EPHA6: variants seen among roughly 807,000 people sequenced by gnomAD.
The protein encoded by EPHA6 is ephrin type-A receptor 6.
EPHA6 carries 50 observed loss-of-function variants against 112.0 expected under a neutral mutation model. The observed-to-expected ratio is 0.45, with a 90% CI of 0.36 to 0.56. The LOEUF is 0.56. Ranked by LOEUF, EPHA6 falls within the 20% of genes least tolerant of loss-of-function variation. EPHA6 has a pLI of 0.00. For synonymous variants in EPHA6, 529 were observed against 490.7 expected (o/e 1.08, Z -1.03); for missense variants, 1,280 against 1,417.4 (o/e 0.90, Z 1.56).
intron 11 of EPHA6, among the ~76,000 whole-genome samples, chr3:97,533,727 G>A (rs897107040): frequency 3.9e-5 from 6 of 152,030 alleles, no homozygotes; most frequent in Non-Finnish European, 5.9e-5. Flanking sequence ...TTCCTGGAAC[G>A]AGTCTCTATG....
chr3:97,548,428 T>C (rs544130484), intron 11 of EPHA6, among the ~76,000 whole-genome samples: 45 of 152,316 alleles, frequency 3.0e-4, no homozygotes, highest in African/African-American at 1.0e-3. Flanking sequence ...AAAAAATATA[T>C]ATTTTGGGGA....
At chr3:96,913,203 CACACACACA>C (rs1559825511) in intron 2 of EPHA6, among the ~76,000 whole-genome samples, 26 of 120,450 alleles carry the variant, frequency 2.2e-4, no homozygotes, top group African/African-American at 7.6e-4. Context: ...CACACACACA[CACACACACA>C]CCACACACAC....
chr3:97,560,856 T>C (rs1308801981), intron 11 of EPHA6, among the ~76,000 whole-genome samples: 1 of 152,062 alleles, frequency 6.6e-6, no homozygotes, highest in Non-Finnish European at 1.5e-5. Flanking sequence ...AGCAAATCTA[T>C]CAGTGCCATT....
chr3:97,425,213 G>C (rs569769742), intron 6 of EPHA6, among the ~76,000 whole-genome samples: 1 of 152,188 alleles, frequency 6.6e-6, no homozygotes. Flanking sequence ...CCACTAGGCA[G>C]TACCCCACTG....
At chr3:97,492,632 C>A (rs1382126735) in intron 10 of EPHA6, among the ~76,000 whole-genome samples, 1 of 124,880 alleles carries the variant, frequency 8.0e-6, no homozygotes, top group Admixed American at 9.3e-5. Flanking sequence ...AAGCGGGAAG[C>A]TAAGGAAAGT....
At chr3:97,396,690 C>T (rs372945705) in intron 5 of EPHA6, among the ~76,000 whole-genome samples, 1 of 151,592 alleles carries the variant, frequency 6.6e-6, no homozygotes, top group East Asian at 1.9e-4. Context: ...TAAACAATTG[C>T]TCAACTCCTG....
At chr3:97,077,750 T>A (rs1266813711) in intron 3 of EPHA6, among the ~76,000 whole-genome samples, 1 of 152,196 alleles carries the variant, frequency 6.6e-6, no homozygotes, top group Non-Finnish European at 1.5e-5. Flanking sequence ...TGCATGGTAT[T>A]CCATGGTGTG....
chr3:96,850,859 T>C (rs2035339831), intron 1 of EPHA6, among the ~76,000 whole-genome samples: 1 of 152,098 alleles, frequency 6.6e-6, no homozygotes, highest in South Asian at 2.1e-4. Context: ...CACAGAGATT[T>C]TTGTAAGTAA....
chr3:97,613,032 C>G (rs1197038156), intron 13 of EPHA6, among the ~76,000 whole-genome samples: 1 of 151,642 alleles, frequency 6.6e-6, no homozygotes, highest in Non-Finnish European at 1.5e-5. Context: ...CCCCTTTGCA[C>G]GTAGAGTTTC....
intron 5 of EPHA6, among the ~76,000 whole-genome samples, chr3:97,328,052 C>CATATATAAATATATATATATATAT (rs1490094035): frequency 3.5e-5 from 2 of 56,994 alleles, no homozygotes; most frequent in African/African-American, 1.7e-4. Context: ...CACATATATA[C>CATATATAAATATATATATATATAT]ACATATATAT....
chr3:96,952,481 C>A (rs1032686127), intron 2 of EPHA6, among the ~76,000 whole-genome samples: 1 of 152,118 alleles, frequency 6.6e-6, no homozygotes, highest in Non-Finnish European at 1.5e-5. Flanking sequence ...AGGTTTGGCC[C>A]TCTTCGTTTC....
intron 12 of EPHA6, among the ~76,000 whole-genome samples, chr3:97,604,605 A>T (rs368744029): frequency 6.6e-6 from 1 of 151,708 alleles, no homozygotes; most frequent in Non-Finnish European, 1.5e-5. Context: ...CATTTTAGTG[A>T]CAAACATTGT....
chr3:96,951,808 A>G (rs540848708), intron 2 of EPHA6, among the ~76,000 whole-genome samples: 1 of 152,176 alleles, frequency 6.6e-6, no homozygotes, highest in Non-Finnish European at 1.5e-5. Flanking sequence ...ACAATACACT[A>G]TAGAGTATGT....
In EPHA6 at chr3:97,642,223, G is replaced by A. The variant is rs947360591; in HGVS notation, c.2784+4141G>A. On this transcript the variant is annotated intron_variant, in intron 14 of 17. Coordinates refer to ENST00000389672, the MANE Select transcript of EPHA6 (RefSeq NM_001080448.3). ...AGGGTATTCCAACAGACCTGCAGCT[G>A]AGGGTACTGTCTGTTAGAAGGAAAA... Among the ~76,000 whole-genome samples, 190 of 95,608 alleles carry A rather than the reference G, an allele frequency of 2.0e-3. 26 individuals carry two copies. The highest frequency in any genetic ancestry group is 2.8e-3 in the Non-Finnish European group (126 of 45,654). 62.7% of individuals were successfully genotyped at this position (95,608 alleles called of 152,430 possible). A position where few individuals can be genotyped will look rare whatever the true frequency, so the allele number is the denominator to read the frequency against.
intron 3 of EPHA6, among the ~76,000 whole-genome samples, chr3:97,088,632 C>G (rs2046975867): frequency 6.6e-6 from 1 of 152,160 alleles, no homozygotes; most frequent in Admixed American, 6.6e-5. Flanking sequence ...TCCCCTGACT[C>G]TACTTTGTTT....
At chr3:97,731,679 G>C (rs1289082460) in intron 15 of EPHA6, among the ~76,000 whole-genome samples, 1 of 151,990 alleles carries the variant, frequency 6.6e-6, no homozygotes, top group Non-Finnish European at 1.5e-5. Flanking sequence ...AAATAATAAA[G>C]TATTTTGAGA....
intron 3 of EPHA6, among the ~76,000 whole-genome samples, chr3:97,129,470 C>G (rs368989831): frequency 2.0e-5 from 3 of 151,580 alleles, no homozygotes; most frequent in African/African-American, 7.3e-5. Context: ...CCACTGCTCT[C>G]CAGCCTGGGC....
At chr3:96,817,400 T>C (rs921494791) in intron 1 of EPHA6, among the ~76,000 whole-genome samples, 1 of 151,924 alleles carries the variant, frequency 6.6e-6, no homozygotes, top group African/African-American at 2.4e-5. Context: ...ATAAAGCATC[T>C]ATTTTTAAAC....
intron 6 of EPHA6, among the ~76,000 whole-genome samples, chr3:97,413,694 T>G (rs2087899714): frequency 6.6e-6 from 1 of 151,986 alleles, no homozygotes; most frequent in African/African-American, 2.4e-5. Context: ...TTACTTTCCC[T>G]TTGGCACGGT....
Sources: allele counts gnomAD v4.1 joint callset (sites outside exome capture counted in the v4.1 genomes callset), GRCh38; gene constraint gnomAD v4.1.1; transcripts MANE v1.5; gene names NCBI Gene and HGNC (gene_info 2026-07-23, HGNC 2026-07-21).